Variants in RPA1 observed in about 807,000 individuals in gnomAD.
RPA1 encodes the protein replication protein A1.
A neutral mutation model predicts 83.0 loss-of-function variants in RPA1; 49 were observed. That is an observed-to-expected ratio of 0.59 (90% CI 0.47 to 0.75). The LOEUF is 0.75. Among genes scored for constraint, RPA1 ranks in the 30% least tolerant of loss-of-function variants. RPA1 has a pLI of 0.00. For synonymous variants in RPA1, 279 were observed against 281.8 expected (o/e 0.99, Z 0.10); for missense variants, 693 against 776.1 (o/e 0.89, Z 1.27).
intron 5 of RPA1, among the ~76,000 whole-genome samples, chr17:1,861,295 C>T (rs2151279055): frequency 6.6e-6 from 1 of 152,300 alleles, no homozygotes; most frequent in East Asian, 1.9e-4. Context: ...TTCTGGCAGG[C>T]CCCCTAAGCC....
At chr17:1,832,912 T>A (rs1911676546) in intron 1 of RPA1, among the ~76,000 whole-genome samples, 1 of 152,196 alleles carries the variant, frequency 6.6e-6, no homozygotes, top group African/African-American at 2.4e-5. Flanking sequence ...TTTAAAATTT[T>A]AAAATTATTG....
At chr17:1,896,215 C>T (rs534911499) in intron 16 of RPA1, among the ~76,000 whole-genome samples, 7 of 152,198 alleles carry the variant, frequency 4.6e-5, no homozygotes, top group Non-Finnish European at 7.3e-5. Flanking sequence ...CCCAGGCAGC[C>T]TGACTTCAGA....
chr17:1,836,737 C>T (rs576942038), intron 1 of RPA1, among the ~76,000 whole-genome samples: 2 of 149,832 alleles, frequency 1.3e-5, no homozygotes, highest in East Asian at 3.9e-4. Context: ...TCATGGCTCA[C>T]TCCAGCCTTG....
intron 6 of RPA1, among the ~76,000 whole-genome samples, chr17:1,874,984 C>T (rs1368778392): frequency 6.6e-6 from 1 of 152,184 alleles, no homozygotes. Flanking sequence ...ATACGTGGTG[C>T]GTATAAAAGA....
rs1195548260 is a variant in RPA1 at position 1,858,351 on chromosome 17, C to T, written c.361+5162C>T. ...CAGTGCCACGGTGGCAGATGGACAT[C>T]GCCATGGGAAGAGACCAATTTCTGA... On this transcript the variant is annotated intron_variant, in intron 5 of 16. Coordinates refer to ENST00000254719, the MANE Select transcript of RPA1 (RefSeq NM_002945.5). The T allele has an allele frequency of 3.1e-6, 5 of 1,606,888 alleles. 1 individual carries two copies. Among genetic ancestry groups the T allele is most frequent in the East Asian group, 4.5e-5 (2 of 44,894 alleles).
chr17:1,866,601 G>A (rs553095590), intron 5 of RPA1, among the ~76,000 whole-genome samples: 244 of 149,952 alleles, frequency 1.6e-3, no homozygotes, highest in Middle Eastern at 7.0e-3. Context: ...ATAGGCGTGG[G>A]CCACTGCGCC....
At chr17:1,871,493 G>A (rs1413511076) in intron 5 of RPA1, among the ~76,000 whole-genome samples, 2 of 152,142 alleles carry the variant, frequency 1.3e-5, no homozygotes, top group Admixed American at 1.3e-4. Context: ...TACCATTTTT[G>A]TTCTCAGGGC....
chr17:1,877,450 CAG>C, intron 8 of RPA1, 136 bp downstream of exon 8: 2 of 692,798 alleles, frequency 2.9e-6, no homozygotes, highest in Non-Finnish European at 5.1e-6. Flanking sequence ...CGCCGAGAAA[CAG>C]AAGGCTCAGC....
intron 15 of RPA1, 98 bp from the exon 16 acceptor site, chr17:1,894,911 C>T: frequency 1.1e-6 from 1 of 881,312 alleles, no homozygotes; most frequent in Non-Finnish European, 1.8e-6. Context: ...TGAAACTACC[C>T]AGGAGATGCA....
At chr17:1,836,951 C>G (rs1241666410) in intron 1 of RPA1, among the ~76,000 whole-genome samples, 1 of 151,874 alleles carries the variant, frequency 6.6e-6, no homozygotes, top group Admixed American at 6.6e-5. Flanking sequence ...GATTCTCTTC[C>G]CTCAGCCTCC....
chr17:1,854,816 A>G (rs1237187602), intron 5 of RPA1, among the ~76,000 whole-genome samples: 3 of 152,232 alleles, frequency 2.0e-5, no homozygotes, highest in African/African-American at 7.2e-5. Flanking sequence ...CATATTAAGG[A>G]ATAAAGTACT....
chr17:1,887,575 C>A (rs985231566), intron 13 of RPA1, among the ~76,000 whole-genome samples: 42 of 146,062 alleles, frequency 2.9e-4, no homozygotes, highest in African/African-American at 9.9e-4. Context: ...AAAAAAAAAT[C>A]ACCATAACAG....
rs1914223025 is a variant in RPA1 at position 1,892,053 on chromosome 17, C to A, written c.1659+113C>A. ...ATGGAGTCTTGCCCTGTTTCCTAGG[C>A]TGGAGTGCAGTGGCGCGATCTCAGC... On this transcript the variant is annotated intron_variant, in intron 15 of 16. Transcript: ENST00000254719. 6.7e-6 allele frequency: 4 copies of A among 600,872 alleles called. No individual in the cohort carries two copies. The East Asian group carries it at 1.2e-4, about 18-fold the overall frequency. 37.2% of individuals were successfully genotyped at this position (600,872 alleles called of 1,614,324 possible). A position where few individuals can be genotyped will look rare whatever the true frequency, so the allele number is the denominator to read the frequency against.
Position 1,844,733 on chromosome 17 carries a change from C to A in RPA1, c.272+47C>A, listed in dbSNP as rs759356600. The A allele has an allele frequency of 2.1e-6, 3 of 1,441,856 alleles. No homozygotes were observed. In the South Asian group the frequency reaches 3.7e-5, roughly 18 times the overall value. The allele number at this position is 1,441,856 out of a possible 1,614,324, so 89.3% of individuals were successfully genotyped here. A position where few individuals can be genotyped will look rare whatever the true frequency, so the allele number is the denominator to read the frequency against. On this transcript the variant is annotated intron_variant, in intron 4 of 16. Transcript: ENST00000254719. ...GTCTTATTGTATCGTAGAATGGGAA[C>A]AAATTTAGGAATAAAAAAGGCAATA...
At chr17:1,863,093 G>T (rs1467052404) in intron 5 of RPA1, among the ~76,000 whole-genome samples, 1 of 151,814 alleles carries the variant, frequency 6.6e-6, no homozygotes, top group Non-Finnish European at 1.5e-5. Context: ...GCTCAAAAAG[G>T]GCTTACTGTA....
chr17:1,893,994 G>A (rs1024768939), intron 15 of RPA1, among the ~76,000 whole-genome samples: 1 of 151,110 alleles, frequency 6.6e-6, no homozygotes, highest in Admixed American at 6.6e-5. Flanking sequence ...CTGAGTAGCT[G>A]GGACTACTGG....
At chr17:1,892,536 G>A (rs953498693) in intron 15 of RPA1, among the ~76,000 whole-genome samples, 2 of 152,194 alleles carry the variant, frequency 1.3e-5, no homozygotes, top group African/African-American at 4.8e-5. Context: ...GCACATCAGA[G>A]CTAGTGTGCC....
At chr17:1,860,879 A>C (rs1334716388) in intron 5 of RPA1, among the ~76,000 whole-genome samples, 1 of 152,198 alleles carries the variant, frequency 6.6e-6, no homozygotes, top group Non-Finnish European at 1.5e-5. Context: ...ACTTGGAGAC[A>C]GTTTGATCTT....
At chr17:1,847,732 A>G (rs963125795) in intron 4 of RPA1, among the ~76,000 whole-genome samples, 4 of 152,170 alleles carry the variant, frequency 2.6e-5, no homozygotes, top group Admixed American at 1.3e-4. Context: ...ATATAAGAGT[A>G]TCTATTGGCC....
Sources: allele counts gnomAD v4.1 joint callset (sites outside exome capture counted in the v4.1 genomes callset), GRCh38; gene constraint gnomAD v4.1.1; transcripts MANE v1.5; gene names NCBI Gene and HGNC (gene_info 2026-07-23, HGNC 2026-07-21).